MRTFB: variants seen among roughly 807,000 people sequenced by gnomAD.
MRTFB encodes the protein myocardin-related transcription factor B.
Under a neutral mutation model 104.2 loss-of-function variants are expected in MRTFB, and 29 were observed. The observed-to-expected ratio is 0.28, with a 90% CI of 0.21 to 0.38. The LOEUF is 0.38. MRTFB is among the 10% of genes least tolerant of loss of function. The pLI is 1.00. For missense variants in MRTFB, 1,270 were observed against 1,341.6 expected, an observed-to-expected ratio of 0.95 and a Z score of 0.83; for synonymous variants, 535 against 519.5, an observed-to-expected ratio of 1.03 and a Z score of -0.41.
chr16:14,160,208 A>G lies in MRTFB; in HGVS notation c.154+19448A>G, dbSNP rs1263776560. On this transcript the variant is annotated intron_variant, in intron 3 of 16. Transcript: ENST00000571589. ...CATTTAGTTGTCATATGTCTTATTTAGCATTGCAGAGTTCCTCACCTTTAA... is the reference window on the plus strand; with the variant it reads ...CATTTAGTTGTCATATGTCTTATTTGGCATTGCAGAGTTCCTCACCTTTAA... 2.0e-5 allele frequency among the ~76,000 whole-genome samples: 3 copies of G among 152,160 alleles called. No homozygotes were observed. The East Asian group carries it at 5.8e-4, about 29-fold the overall frequency.
chr16:14,064,676 T>C, the MRTFB span, among the ~76,000 whole-genome samples: 1 of 152,236 alleles, frequency 6.6e-6, no homozygotes, highest in Non-Finnish European at 1.5e-5. Context: ...CTTCTGCATA[T>C]GGCTAGCCAG....
At position 14,186,622 on chromosome 16, in the gene MRTFB, G is replaced by A; in HGVS notation, c.155-23621G>A. ...GAAGCTGGAATGGCAAGGGAAAGGGGGCTGGCTGGGAAAAGGGGTGGGATT... is the reference window on the plus strand; with the variant it reads ...GAAGCTGGAATGGCAAGGGAAAGGGAGCTGGCTGGGAAAAGGGGTGGGATT... On this transcript the variant is annotated intron_variant, in intron 3 of 16. Coordinates refer to ENST00000571589, the MANE Select transcript of MRTFB (RefSeq NM_001308142.2). The A allele has an allele frequency of 3.8e-6, 4 of 1,046,736 alleles. No individual in the cohort carries two copies. The South Asian group carries it at 6.2e-5, about 16-fold the overall frequency. 64.8% of individuals were successfully genotyped at this position (1,046,736 alleles called of 1,614,324 possible).
At chr16:14,054,636 G>A in the MRTFB span, among the ~76,000 whole-genome samples, 6 of 152,010 alleles carry the variant, frequency 3.9e-5, no homozygotes, top group East Asian at 1.2e-3. Flanking sequence ...TTTATTTTTT[G>A]TACTTTGTTT....
At chr16:14,150,099 A>G (rs192915135) in intron 3 of MRTFB, among the ~76,000 whole-genome samples, 18 of 152,280 alleles carry the variant, frequency 1.2e-4, no homozygotes, top group Non-Finnish European at 2.1e-4. Flanking sequence ...GGAGGCACCA[A>G]CTTTGGAGCC....
At chr16:14,050,570 T>C in the MRTFB span, among the ~76,000 whole-genome samples, 13 of 152,098 alleles carry the variant, frequency 8.5e-5, no homozygotes, top group Admixed American at 8.5e-4. Context: ...TTAAACAGCA[T>C]AGCAAGAACT....
chr16:14,004,542 G>A, the MRTFB span, among the ~76,000 whole-genome samples: 4 of 152,182 alleles, frequency 2.6e-5, no homozygotes, highest in African/African-American at 9.7e-5. Flanking sequence ...CCACTGGCCA[G>A]GATGGCCAGG....
intron 3 of MRTFB, among the ~76,000 whole-genome samples, chr16:14,182,426 T>G (rs78802244): frequency 9.2e-4 from 140 of 152,300 alleles, no homozygotes; most frequent in African/African-American, 3.2e-3. Flanking sequence ...CCTGTGGCAC[T>G]GGAATGGAAT....
intron 2 of MRTFB, among the ~76,000 whole-genome samples, chr16:14,080,804 C>T (rs761581585): frequency 4.0e-4 from 61 of 152,122 alleles, no homozygotes; most frequent in Non-Finnish European, 7.8e-4. Flanking sequence ...GTGATGTTCT[C>T]CAGGTTCATC....
At chr16:14,163,532 T>C (rs1170712378) in intron 3 of MRTFB, among the ~76,000 whole-genome samples, 1 of 152,158 alleles carries the variant, frequency 6.6e-6, no homozygotes, top group Non-Finnish European at 1.5e-5. Context: ...ATATCTATAT[T>C]GCACTTAACA....
Position 14,264,470 on chromosome 16 carries a change from G to A in MRTFB, c.*3026G>A, listed in dbSNP as rs765882370. On this transcript the variant is annotated 3_prime_UTR_variant, in exon 17 of 17. Transcript: ENST00000571589. ...TCATAGGACAGTGTTAGTGGTTCAC[G>A]TTCTAGTGTTTTTCCTGAAATGTGC... 3 of 152,162 alleles carry A rather than the reference G, an allele frequency of 2.0e-5. No individual in the cohort carries two copies. Among genetic ancestry groups the A allele is most frequent in the African/African-American group, 4.8e-5 (2 of 41,428 alleles). 9.4% of individuals were successfully genotyped at this position (152,162 alleles called of 1,614,324 possible). A position where few individuals can be genotyped will look rare whatever the true frequency, so the allele number is the denominator to read the frequency against.
chr16:14,153,107 GGAAAT>G (rs1257862067), intron 3 of MRTFB: 2 of 152,066 alleles, frequency 1.3e-5, no homozygotes, highest in African/African-American at 4.8e-5. Context: ...AAAAAAGAAA[GGAAAT>G]GAAAGTGAAA....
chr16:14,039,697 C>T, the MRTFB span, among the ~76,000 whole-genome samples: 2 of 150,958 alleles, frequency 1.3e-5, no homozygotes, highest in African/African-American at 4.9e-5. Context: ...TTTTAATTTA[C>T]ACTTGTGATA....
At position 14,240,729 on chromosome 16, in the gene MRTFB, A is replaced by G. The variant is rs1223882961; in HGVS notation, c.1079+245A>G. ...TACAAGTTAGAAATGCCTTTTCACA[A>G]TTATTCATCCAGATTTGCCTATTAT... On this transcript the variant is annotated intron_variant, in intron 10 of 16. Transcript: ENST00000571589. 3 of 789,068 alleles carry G rather than the reference A, an allele frequency of 3.8e-6. No homozygotes were observed. In the African/African-American group the frequency reaches 5.0e-5, roughly 13 times the overall value. 48.9% of individuals were successfully genotyped at this position (789,068 alleles called of 1,614,324 possible). A position where few individuals can be genotyped will look rare whatever the true frequency, so the allele number is the denominator to read the frequency against.
chr16:14,096,488 A>G (rs886661952), intron 2 of MRTFB, among the ~76,000 whole-genome samples: 1 of 152,226 alleles, frequency 6.6e-6, no homozygotes, highest in Admixed American at 6.5e-5. Context: ...GTAGGAGTTC[A>G]TTGGATTCTT....
At position 14,094,586 on chromosome 16, in the gene MRTFB, C is replaced by T. The variant is rs139677584; in HGVS notation, c.-64+15232C>T. On this transcript the variant is annotated intron_variant, in intron 2 of 16. Coordinates refer to ENST00000571589, the MANE Select transcript of MRTFB (RefSeq NM_001308142.2). ...ATGGACAGAGAAAGCAGAAGCTATT[C>T]ACCTAGTTCTTCTTCCTGTTAATAA... Among the ~76,000 whole-genome samples, 15 of 152,324 alleles carry T rather than the reference C, an allele frequency of 9.8e-5. No homozygotes were observed. In the East Asian group the frequency reaches 2.9e-3, roughly 29 times the overall value.
At position 14,107,132 on chromosome 16, in the gene MRTFB, C is replaced by T. The variant is rs182964989; in HGVS notation, c.-64+27778C>T. 6.1e-4 allele frequency among the ~76,000 whole-genome samples: 93 copies of T among 152,266 alleles called. 1 individual carries two copies. The highest frequency in any genetic ancestry group is 2.1e-3 in the African/African-American group (88 of 41,548). ...ATGCCAGTAATCTCAGCTACTCGTG[C>T]GGCTGAAGCAGCAGAATCACTTGAA... On this transcript the variant is annotated intron_variant, in intron 2 of 16. Coordinates refer to ENST00000571589, the MANE Select transcript of MRTFB (RefSeq NM_001308142.2).
At chr16:14,221,541 C>T (rs1299205651) in intron 8 of MRTFB, among the ~76,000 whole-genome samples, 1 of 152,116 alleles carries the variant, frequency 6.6e-6, no homozygotes, top group Non-Finnish European at 1.5e-5. Flanking sequence ...TTAGAATTAC[C>T]ATCATACCAC....
At chr16:14,096,068 A>ATTTG (rs963225521) in intron 2 of MRTFB, among the ~76,000 whole-genome samples, 1 of 151,106 alleles carries the variant, frequency 6.6e-6, no homozygotes, top group African/African-American at 2.4e-5. Flanking sequence ...TTATTTATTT[A>ATTTG]TTTATTTATT....
intron 2 of MRTFB, among the ~76,000 whole-genome samples, chr16:14,119,244 G>A (rs73514933): frequency 0.026 from 3,944 of 152,208 alleles, 181 homozygotes; most frequent in African/African-American, 0.09. Context: ...TGGAAGTGAG[G>A]TGCAGAAACC....
Sources: allele counts gnomAD v4.1 joint callset (sites outside exome capture counted in the v4.1 genomes callset), GRCh38; gene constraint gnomAD v4.1.1; transcripts MANE v1.5; gene names NCBI Gene and HGNC (gene_info 2026-07-23, HGNC 2026-07-21).